CTU2: variants seen among roughly 807,000 people sequenced by gnomAD.
CTU2 encodes cytosolic thiouridylase subunit 2.
Under a neutral mutation model 64.1 loss-of-function variants are expected in CTU2, and 80 were observed. That is an observed-to-expected ratio of 1.25 (90% CI 1.04 to 1.50). CTU2 has a LOEUF of 1.50. CTU2 is among the 40% of genes most tolerant of loss of function. The probability of loss-of-function intolerance (pLI) is 0.00; values close to 1 mark genes in which losing one functional copy is unlikely to be tolerated. For synonymous variants in CTU2, 482 were observed against 285.3 expected (o/e 1.69, Z -6.95); for missense variants, 1,110 against 690.2 (o/e 1.61, Z -6.81).
chr16:88,709,594 C>A (rs1299221276), intron 2 of CTU2: 1 of 298,264 alleles, frequency 3.4e-6, no homozygotes, highest in Non-Finnish European at 6.3e-6. Context: ...TTGGCCTTGC[C>A]CTGTACGTGC....
At chr16:88,710,142 C>T (rs987697680) in intron 3 of CTU2, 81 bp from the exon 4 acceptor site, 42 of 1,580,080 alleles carry the variant, frequency 2.7e-5, no homozygotes, top group Admixed American at 5.0e-5. Context: ...AGGACAGACT[C>T]GATGTCCTAG....
chr16:88,710,272 A>T lies in CTU2; in HGVS notation c.272A>T (p.Gln91Leu). The T allele has an allele frequency of 6.2e-7, 1 of 1,613,926 alleles. No homozygotes were observed. Among genetic ancestry groups the T allele is most frequent in the Non-Finnish European group, 8.5e-7 (1 of 1,179,970 alleles). ...GGPSSSSMVW[Q>L]VLEGLSQDSA... ...CCTTCGTCCAGCTCCATGGTCTGGCAGGTTCTTGAGGTGCGTGTTCACCAC... is the reference window on the plus strand; with the variant it reads ...CCTTCGTCCAGCTCCATGGTCTGGCTGGTTCTTGAGGTGCGTGTTCACCAC... The change falls in exon 4 of 15, where the codon CAG (glutamine) becomes CTG (leucine). Residue 91 changes from glutamine (Q) to leucine (L), a missense_variant. Transcript: ENST00000453996.
chr16:88,712,489 T>G, intron 6 of CTU2, 106 bp downstream of exon 6: 1 of 1,435,902 alleles, frequency 7.0e-7, no homozygotes, highest in Non-Finnish European at 9.4e-7. Flanking sequence ...GGCGGGGCTG[T>G]CGGTGGGGGG....
chr16:88,712,335 C>G lies in CTU2; in HGVS notation c.405C>G (p.Pro135=). The G allele has an allele frequency of 6.2e-7, 1 of 1,610,878 alleles. No individual in the cohort carries two copies. Among genetic ancestry groups the G allele is most frequent in the Admixed American group, 1.7e-5 (1 of 59,660 alleles). The change falls in exon 6 of 15, where the codon CCC becomes CCG. Residue 135 remains proline (P), a synonymous_variant. Transcript: ENST00000453996. The part of the protein sequence containing the change: ...ERSKTLAEVK[P]ILQATGFPWH... ...CAAAGACCCTGGCCGAAGTGAAGCC[C>G]ATTCTGCAAGCAACTGGGTTCCCAT...
At chr16:88,707,471 C>G (rs1910966561) in intron 2 of CTU2, among the ~76,000 whole-genome samples, 1 of 152,014 alleles carries the variant, frequency 6.6e-6, no homozygotes, top group Non-Finnish European at 1.5e-5. Context: ...GGAAGTGGGG[C>G]CGTGGTGTCT....
chr16:88,714,437 C>T lies in CTU2; in HGVS notation c.1152C>T (p.Ser384=), dbSNP rs147606000. 110 of 1,612,412 alleles carry T rather than the reference C, an allele frequency of 6.8e-5. No homozygotes were observed. The highest frequency in any genetic ancestry group is 1.8e-4 in the East Asian group (8 of 44,890). ...GPRDGPAAGD[S]GPRCLLCMCA... Reference sequence around the variant, plus strand: ...GGGATGGCCCTGCTGCTGGCGACTCCGGCCCCCGCTGCCTCCTCTGCATGT... The same window carrying T: ...GGGATGGCCCTGCTGCTGGCGACTCTGGCCCCCGCTGCCTCCTCTGCATGT... The change falls in exon 11 of 15, where the codon TCC becomes TCT. Residue 384 remains serine (S), a synonymous_variant. Coordinates refer to ENST00000453996, the MANE Select transcript of CTU2 (RefSeq NM_001012759.3).
chr16:88,709,781 C>G (rs1911168972), intron 2 of CTU2, 157 bp from the exon 3 acceptor site: 1 of 697,922 alleles, frequency 1.4e-6, no homozygotes, highest in East Asian at 2.5e-5. Context: ...AGGGGCCAAC[C>G]CCGCCCCTTT....
chr16:88,712,812 G>A lies in CTU2; in HGVS notation c.644G>A (p.Arg215Lys), dbSNP rs764241247. The change falls in exon 7 of 15, where the codon AGA (arginine) becomes AAA (lysine). Residue 215 changes from arginine to lysine, a missense_variant. Arg to Lys is a conservative substitution (Grantham distance 26). Transcript: ENST00000453996. ...CCGCTGGACCCCCAGAACCTGGCAAGACCGCCTGCCCCTGCCCAGACTGAG... is the reference window on the plus strand; with the variant it reads ...CCGCTGGACCCCCAGAACCTGGCAAAACCGCCTGCCCCTGCCCAGACTGAG... Reference protein sequence around the residue: ...QPPLDPQNLARPPAPAQTEAL... With the variant: ...QPPLDPQNLAKPPAPAQTEAL... The A allele has an allele frequency of 5.0e-6, 8 of 1,604,850 alleles. No individual in the cohort carries two copies. Among genetic ancestry groups the A allele is most frequent in the South Asian group, 1.1e-5 (1 of 90,230 alleles).
chr16:88,710,124 G>T, intron 3 of CTU2, 99 bp from the exon 4 acceptor site: 1 of 1,578,756 alleles, frequency 6.3e-7, no homozygotes, highest in Non-Finnish European at 8.7e-7. Context: ...GCTCCTCCTT[G>T]GCCTTTGAGG....
chr16:88,709,848 G>T, intron 2 of CTU2, 90 bp from the exon 3 acceptor site: 1 of 1,044,942 alleles, frequency 9.6e-7, no homozygotes, highest in Admixed American at 1.8e-5. Context: ...GATGGAGATT[G>T]GCAAAGGACG....
rs1911453145 is a variant in CTU2 at position 88,712,826 on chromosome 16, G to A, written c.658G>A (p.Ala220Thr). 1.9e-6 allele frequency: 3 copies of A among 1,595,680 alleles called. No homozygotes were observed. The highest frequency in any genetic ancestry group is 1.3e-5 in the African/African-American group (1 of 74,518). The change falls in exon 7 of 15, where the codon GCC becomes ACC. Residue 220 changes from alanine (A) to threonine (T), a missense_variant. Ala to Thr is a moderately conservative substitution (Grantham distance 58, BLOSUM62 0). Coordinates refer to ENST00000453996, the MANE Select transcript of CTU2 (RefSeq NM_001012759.3). ...PQNLARPPAP[A>T]QTEALSQLFC... The stretch of plus-strand genomic sequence containing the variant: ...GAACCTGGCAAGACCGCCTGCCCCT[G>A]CCCAGACTGAGGCTCTTTCCCAACT...
intron 4 of CTU2, chr16:88,710,598 C>G (rs1029857297): frequency 2.9e-5 from 11 of 385,284 alleles, no homozygotes; most frequent in Admixed American, 8.5e-5. Context: ...GCTGGGTCCA[C>G]AGTGCGTGTG....
chr16:88,706,654 T>A (rs546300720), intron 1 of CTU2, 56 bp downstream of exon 1: 649 of 1,261,892 alleles, frequency 5.1e-4, no homozygotes, highest in Non-Finnish European at 5.9e-4. Context: ...GCCGCACTCC[T>A]GCCCCGAAGG....
At chr16:88,712,197 C>T (rs751907366) in intron 5 of CTU2, 77 bp from the exon 6 acceptor site, 2 of 1,280,646 alleles carry the variant, frequency 1.6e-6, no homozygotes, top group South Asian at 1.3e-5. Context: ...AAGGGTTTTC[C>T]CAGGTGGAGG....
chr16:88,710,315 C>G, intron 4 of CTU2, 33 bp downstream of exon 4: 1 of 1,611,752 alleles, frequency 6.2e-7, no homozygotes, highest in Non-Finnish European at 8.5e-7. Flanking sequence ...GCCCGGGCTG[C>G]TGGGCTGAGC....
At position 88,713,719 on chromosome 16, in the gene CTU2, G is replaced by A. The variant is rs374694184; in HGVS notation, c.946G>A (p.Ala316Thr). ...PMRDHTLKEVAFYNRLFSVPS... is the reference protein window; with the variant it reads ...PMRDHTLKEVTFYNRLFSVPS... ...GCGGGACCACACCCTGAAGGAGGTC[G>A]CTTTCTACAACCGCCTGTTCTCCGT... The change falls in exon 9 of 15, where the codon GCT (alanine) becomes ACT (threonine). Residue 316 changes from alanine (A) to threonine (T), a missense_variant. Transcript: ENST00000453996. 76 of 1,612,674 alleles carry A rather than the reference G, an allele frequency of 4.7e-5. No homozygotes were observed. Among genetic ancestry groups the A allele is most frequent in the South Asian group, 1.1e-4 (10 of 91,088 alleles).
chr16:88,712,351 G>A lies in CTU2; in HGVS notation c.421G>A (p.Gly141Arg), dbSNP rs751363909. Residue 141 changes from glycine (G) to arginine (R), a missense_variant, in exon 6 of 15, where the codon GGG becomes AGG. Transcript: ENST00000453996. ...AEVKPILQAT[G>R]FPWHVVALEE... The stretch of plus-strand genomic sequence containing the variant: ...AGTGAAGCCCATTCTGCAAGCAACT[G>A]GGTTCCCATGGCATGTGGTGGCCTT... 1.2e-6 allele frequency: 2 copies of A among 1,610,174 alleles called. No homozygotes were observed. The highest frequency in any genetic ancestry group is 2.2e-5 in the South Asian group (2 of 90,252).
chr16:88,706,589 C>G lies in CTU2; in HGVS notation c.59C>G (p.Pro20Arg). 6.9e-7 allele frequency: 1 copy of G among 1,452,700 alleles called. No homozygotes were observed. The highest frequency in any genetic ancestry group is 9.0e-7 in the Non-Finnish European group (1 of 1,109,708). The allele number at this position is 1,452,700 out of a possible 1,614,324, so 90.0% of individuals were successfully genotyped here. ...GCGCCTGAGGAGCCGCCCCCGGCGC[C>G]GCGGCCCAGGTAAGAGCTGGCGGCC... ...EPAPEEPPPA[P>R]RPSREQKCVK... The change falls in exon 1 of 15, where the codon CCG becomes CGG. Residue 20 changes from proline to arginine, a missense_variant. By Grantham distance (103) the Pro-to-Arg change is moderately radical. Transcript: ENST00000453996.
At chr16:88,711,088 G>T (rs1397446687) in intron 4 of CTU2, among the ~76,000 whole-genome samples, 1 of 152,204 alleles carries the variant, frequency 6.6e-6, no homozygotes, top group Non-Finnish European at 1.5e-5. Context: ...TTGAGGAGTG[G>T]GGTGTTGGTC....
Sources: gnomAD v4.1 joint callset for allele counts (sites outside exome capture counted in the v4.1 genomes callset) on GRCh38, gnomAD v4.1.1 for gene constraint, MANE v1.5 for transcripts, NCBI Gene and HGNC (gene_info 2026-07-23, HGNC 2026-07-21) for gene names.